RPS6KC1: variants seen among roughly 807,000 people sequenced by gnomAD.
The protein encoded by RPS6KC1 is ribosomal protein S6 kinase C1, also known as inactive ribosomal protein S6 kinase delta-1.
A neutral mutation model predicts 103.8 loss-of-function variants in RPS6KC1; 54 were observed. The ratio of observed to expected loss-of-function variants is 0.52; its 90% confidence interval spans 0.42 to 0.65. RPS6KC1 has a LOEUF of 0.65. Among genes scored for constraint, RPS6KC1 ranks in the 30% least tolerant of loss-of-function variants. The pLI, the probability that RPS6KC1 is intolerant of heterozygous loss-of-function variation, is 0.00. For missense variants in RPS6KC1, 1,151 were observed against 1,253.8 expected (o/e 0.92, Z 1.24); for synonymous variants, 439 against 438.7 (o/e 1.00, Z -0.01).
At chr1:213,479,975 TCTCTGCCA>T in the RPS6KC1 span, among the ~76,000 whole-genome samples, 1 of 152,018 alleles carries the variant, frequency 6.6e-6, no homozygotes, top group Non-Finnish European at 1.5e-5. Flanking sequence ...TTTGTCTGTT[TCTCTGCCA>T]ATAACATACT....
the RPS6KC1 span, among the ~76,000 whole-genome samples, chr1:213,327,236 A>AAAG: frequency 4.1e-5 from 6 of 144,586 alleles, no homozygotes; most frequent in African/African-American, 1.3e-4. Flanking sequence ...GAAAGAAAAG[A>AAAG]AAAGAAAGAA....
At chr1:213,068,026 A>T (rs1421245018) in intron 1 of RPS6KC1, among the ~76,000 whole-genome samples, 1 of 152,250 alleles carries the variant, frequency 6.6e-6, no homozygotes, top group African/African-American at 2.4e-5. Context: ...AGATATCTGA[A>T]TATATTTATA....
chr1:213,824,258 C>T, the RPS6KC1 span, among the ~76,000 whole-genome samples: 1 of 152,200 alleles, frequency 6.6e-6, no homozygotes, highest in Non-Finnish European at 1.5e-5. Context: ...TGCTCCATGT[C>T]ACTCAGAGCT....
At chr1:213,055,292 A>G (rs1166978801) in intron 1 of RPS6KC1, among the ~76,000 whole-genome samples, 1 of 151,522 alleles carries the variant, frequency 6.6e-6, no homozygotes. Flanking sequence ...TATTTTCTAG[A>G]ATTTTGTATA....
At chr1:213,578,888 T>C in the RPS6KC1 span, among the ~76,000 whole-genome samples, 1 of 152,060 alleles carries the variant, frequency 6.6e-6, no homozygotes, top group African/African-American at 2.4e-5. Context: ...AAGTCCCATG[T>C]TGGGAAGGCA....
At chr1:213,262,054 A>G (rs1259825204) in intron 13 of RPS6KC1, among the ~76,000 whole-genome samples, 2 of 152,224 alleles carry the variant, frequency 1.3e-5, no homozygotes, top group Non-Finnish European at 2.9e-5. Flanking sequence ...AGTTAACATT[A>G]TCTTTTTCTC....
At chr1:213,357,987 C>T in the RPS6KC1 span, among the ~76,000 whole-genome samples, 1 of 152,188 alleles carries the variant, frequency 6.6e-6, no homozygotes, top group Admixed American at 6.5e-5. Context: ...ATGAAGCCCA[C>T]TTGATCATGG....
chr1:213,537,488 A>T, the RPS6KC1 span, among the ~76,000 whole-genome samples: 1 of 152,170 alleles, frequency 6.6e-6, no homozygotes, highest in African/African-American at 2.4e-5. Context: ...ACCTGGGATA[A>T]TAACACTCAT....
At chr1:213,346,150 G>A in the RPS6KC1 span, among the ~76,000 whole-genome samples, 16 of 152,076 alleles carry the variant, frequency 1.1e-4, no homozygotes, top group East Asian at 2.5e-3. Flanking sequence ...CTCAATTTTT[G>A]CCTTGCATTT....
chr1:213,076,437 A>T (rs979964402), intron 2 of RPS6KC1, among the ~76,000 whole-genome samples: 2 of 152,118 alleles, frequency 1.3e-5, no homozygotes, highest in African/African-American at 4.8e-5. Context: ...ATTATACTCT[A>T]TTGTATATGA....
intron 8 of RPS6KC1, among the ~76,000 whole-genome samples, chr1:213,210,388 A>G (rs1321362005): frequency 1.7e-4 from 26 of 152,364 alleles, no homozygotes; most frequent in Non-Finnish European, 1.5e-5. Context: ...AACATTTCAA[A>G]TAATCTGTAA....
chr1:213,850,551 CT>C, the RPS6KC1 span, among the ~76,000 whole-genome samples: 2 of 152,298 alleles, frequency 1.3e-5, no homozygotes, highest in East Asian at 3.9e-4. Context: ...TTCCGATGAG[CT>C]ACTAAGCACC....
At chr1:213,716,459 A>C in the RPS6KC1 span, among the ~76,000 whole-genome samples, 1 of 152,208 alleles carries the variant, frequency 6.6e-6, no homozygotes, top group Non-Finnish European at 1.5e-5. Flanking sequence ...GGAGGTAGAC[A>C]ATCTCCTTCA....
the RPS6KC1 span, among the ~76,000 whole-genome samples, chr1:213,590,555 A>G: frequency 6.6e-6 from 1 of 152,154 alleles, no homozygotes; most frequent in African/African-American, 2.4e-5. Flanking sequence ...CTCAGAGGAC[A>G]TGTGGGAGCT....
the RPS6KC1 span, among the ~76,000 whole-genome samples, chr1:213,675,744 G>T: frequency 5.5e-4 from 83 of 152,132 alleles, 1 homozygote; most frequent in Non-Finnish European, 1.2e-4. Context: ...GAGTATGGTG[G>T]TGGGCACCTG....
the RPS6KC1 span, among the ~76,000 whole-genome samples, chr1:213,299,551 C>A: frequency 3.1e-3 from 324 of 105,162 alleles, no homozygotes; most frequent in Middle Eastern, 6.2e-3. Context: ...GACTCCATCT[C>A]AAAAAAAAAA....
At chr1:213,586,989 C>T in the RPS6KC1 span, among the ~76,000 whole-genome samples, 84,684 of 152,074 alleles carry the variant, frequency 0.56, 24,639 homozygotes, top group Non-Finnish European at 0.64. Context: ...AAGTCACCTT[C>T]GGGGGTGACT....
At chr1:213,388,489 A>G in the RPS6KC1 span, among the ~76,000 whole-genome samples, 2 of 152,188 alleles carry the variant, frequency 1.3e-5, no homozygotes, top group Non-Finnish European at 2.9e-5. Flanking sequence ...TCTTCATGCA[A>G]TTCTTCTTCT....
the RPS6KC1 span, among the ~76,000 whole-genome samples, chr1:213,662,869 G>A: frequency 3.3e-5 from 5 of 151,960 alleles, no homozygotes; most frequent in African/African-American, 7.3e-5. Flanking sequence ...TGATTCCTTC[G>A]TTTGGTCACT....
Sources: gnomAD v4.1 joint callset for allele counts (sites outside exome capture counted in the v4.1 genomes callset) on GRCh38, gnomAD v4.1.1 for gene constraint, MANE v1.5 for transcripts, NCBI Gene and HGNC (gene_info 2026-07-23, HGNC 2026-07-21) for gene names.